Variants in CACNA1C observed in about 807,000 individuals in gnomAD.
The protein encoded by CACNA1C is voltage-dependent L-type calcium channel subunit alpha-1C.
Under a neutral mutation model 229.0 loss-of-function variants are expected in CACNA1C, and 30 were observed. That is an observed-to-expected ratio of 0.13 (90% CI 0.10 to 0.18). The LOEUF (loss-of-function observed/expected upper bound fraction) is 0.18. Among genes scored for constraint, CACNA1C ranks in the 10% least tolerant of loss-of-function variants. The pLI, the probability that CACNA1C is intolerant of heterozygous loss-of-function variation, is 1.00. For synonymous variants in CACNA1C, 1,114 were observed against 1,132.5 expected (o/e 0.98, Z 0.33); for missense variants, 1,658 against 2,845.0 (o/e 0.58, Z 9.49).
At chr12:2,424,355 AG>A (rs1478619107) in intron 3 of CACNA1C, among the ~76,000 whole-genome samples, 1 of 152,118 alleles carries the variant, frequency 6.6e-6, no homozygotes, top group African/African-American at 2.4e-5. Context: ...GGAAAAGTCA[AG>A]GGGGAGGGAG....
At chr12:2,637,468 A>C (rs1016772932) in intron 30 of CACNA1C, among the ~76,000 whole-genome samples, 4 of 152,234 alleles carry the variant, frequency 2.6e-5, no homozygotes, top group Non-Finnish European at 5.9e-5. Context: ...GAGATGGCCA[A>C]CAGGTACAAC....
At chr12:2,546,351 G>C (rs113260098) in intron 9 of CACNA1C, among the ~76,000 whole-genome samples, 9,055 of 120,628 alleles carry the variant, frequency 0.075, no homozygotes, top group African/African-American at 0.16. Flanking sequence ...ACACTATTCC[G>C]TGCAGTAGCT....
intron 9 of CACNA1C, among the ~76,000 whole-genome samples, chr12:2,531,960 G>A (rs1420473601): frequency 2.0e-5 from 3 of 152,132 alleles, no homozygotes; most frequent in Non-Finnish European, 2.9e-5. Flanking sequence ...TTCCATCTTT[G>A]TGCAAGCCTC....
intron 3 of CACNA1C, among the ~76,000 whole-genome samples, chr12:2,315,948 A>G (rs1266668285): frequency 6.6e-6 from 1 of 152,254 alleles, no homozygotes; most frequent in Non-Finnish European, 1.5e-5. Context: ...CAAGAGAACA[A>G]CAACAGAAAG....
chr12:2,493,247 A>G lies in CACNA1C; in HGVS notation c.974A>G (p.Gln325Arg), dbSNP rs1479610808. 6.2e-7 allele frequency: 1 copy of G among 1,613,934 alleles called. No homozygotes were observed. The highest frequency in any genetic ancestry group is 1.3e-5 in the African/African-American group (1 of 74,944). ...GCGCTGGAAACGGGCCACGGGCGGC[A>G]GTGCCAGAACGGCACGGTGTGCAAG... is the stretch of plus-strand genomic sequence containing the variant. ...PCALETGHGR[Q>R]CQNGTVCKPG... The change falls in exon 7 of 47, where the codon CAG becomes CGG. Residue 325 changes from glutamine to arginine, a missense_variant. This residue lies in a region of CACNA1C where 84 missense variants were observed against 202.6 expected (regional missense o/e 0.41). Coordinates refer to ENST00000399655, the MANE Select transcript of CACNA1C (RefSeq NM_000719.7). This position sits in a 1 kb window ranked among gnomAD's most constrained non-coding sequence, Gnocchi z 4.6.
At chr12:2,246,895 G>A (rs2073534665) in intron 3 of CACNA1C, among the ~76,000 whole-genome samples, 1 of 152,106 alleles carries the variant, frequency 6.6e-6, no homozygotes, top group Non-Finnish European at 1.5e-5. Context: ...GACGCTTCAT[G>A]CATAGCGGCT....
At chr12:2,179,616 C>T (rs1216465009) in intron 3 of CACNA1C, among the ~76,000 whole-genome samples, 3 of 152,124 alleles carry the variant, frequency 2.0e-5, no homozygotes, top group Admixed American at 2.0e-4. Context: ...AATATTGGCT[C>T]CAGACCTGAG....
chr12:2,294,534 C>A (rs1434643050), intron 3 of CACNA1C, among the ~76,000 whole-genome samples: 1 of 151,878 alleles, frequency 6.6e-6, no homozygotes, highest in Non-Finnish European at 1.5e-5. Flanking sequence ...GGAACCATCG[C>A]GGTAGGCCTG....
In CACNA1C at chr12:2,586,151, T is replaced by C. The variant is rs1107389; in HGVS notation, c.2530+247T>C. ...GCAGTGCTTTTGTGTCCTTTCCAAG[T>C]TGGATTCAGTGTACATTTAAATTTT... On this transcript the variant is annotated intron_variant, in intron 18 of 46. Transcript: ENST00000399655. Among the ~76,000 whole-genome samples the C allele has an allele frequency of 0.046, 7,048 of 152,334 alleles. 569 individuals carry two copies. Among genetic ancestry groups the C allele is most frequent in the African/African-American group, 0.16 (6,647 of 41,558 alleles).
intron 1 of CACNA1C, among the ~76,000 whole-genome samples, chr12:2,106,810 G>A (rs1289319772): frequency 6.5e-4 from 79 of 121,702 alleles, no homozygotes; most frequent in African/African-American, 1.6e-3. Context: ...CTCACCCCGG[G>A]GAGGGTTTCC....
intron 3 of CACNA1C, among the ~76,000 whole-genome samples, chr12:2,414,265 A>G (rs1299188559): frequency 6.6e-6 from 1 of 152,202 alleles, no homozygotes; most frequent in African/African-American, 2.4e-5. Flanking sequence ...TCCTCACTCC[A>G]CTAGAGCCCA....
chr12:2,001,970 G>C lies in CACNA1C; in HGVS notation c.139+30769G>C, dbSNP rs528946696. On this transcript the variant is annotated intron_variant, in intron 1 of 46. Coordinates refer to the CACNA1C transcript ENST00000682462. ...GACAGCTGGAAAATACCAGGGTTAT[G>C]GTCTTCAATTGACACATAGGTATTA... Among the ~76,000 whole-genome samples, 3 of 152,334 alleles carry C rather than the reference G, an allele frequency of 2.0e-5. No individual in the cohort carries two copies. In the East Asian group the frequency reaches 5.8e-4, roughly 29 times the overall value.
intron 3 of CACNA1C, among the ~76,000 whole-genome samples, chr12:2,315,701 G>T (rs926541000): frequency 3.3e-5 from 5 of 152,150 alleles, no homozygotes; most frequent in Non-Finnish European, 7.4e-5. Flanking sequence ...CCTATTAATT[G>T]TACGCACATT....
intron 5 of CACNA1C, among the ~76,000 whole-genome samples, chr12:2,477,357 T>C (rs2099635113): frequency 6.6e-6 from 1 of 152,208 alleles, no homozygotes; most frequent in Admixed American, 6.5e-5. Flanking sequence ...ATCTGATCAC[T>C]ATCCCTGGGA....
At position 2,181,154 on chromosome 12, in the gene CACNA1C, G is replaced by A. The variant is rs530319801; in HGVS notation, c.477+60724G>A. On this transcript the variant is annotated intron_variant, in intron 3 of 46. Transcript: ENST00000399655. This position sits in a 1 kb window ranked among gnomAD's most constrained non-coding sequence, Gnocchi z 4.0. ...TGTAGCATAGTGCCTGTGGACAGGAGAGCCCAGTCCGTGACGGCGGTAACA... is the reference window on the plus strand; with the variant it reads ...TGTAGCATAGTGCCTGTGGACAGGAAAGCCCAGTCCGTGACGGCGGTAACA... Among the ~76,000 whole-genome samples, 4 of 152,288 alleles carry A rather than the reference G, an allele frequency of 2.6e-5. No homozygotes were observed. Among genetic ancestry groups the A allele is most frequent in the South Asian group, 2.1e-4 (1 of 4,822 alleles).
At chr12:2,683,066 C>T (rs1312890103) in intron 43 of CACNA1C, among the ~76,000 whole-genome samples, 1 of 152,116 alleles carries the variant, frequency 6.6e-6, no homozygotes, top group Non-Finnish European at 1.5e-5. Context: ...ACAAGTGTTT[C>T]AAGACACTGC....
At chr12:2,328,629 A>G (rs2096426397) in intron 3 of CACNA1C, among the ~76,000 whole-genome samples, 3 of 152,206 alleles carry the variant, frequency 2.0e-5, no homozygotes, top group Admixed American at 6.5e-5. Context: ...ATAGGTGGGC[A>G]TGGGCTTGAT....
At chr12:2,261,350 A>G (rs2080143651) in intron 3 of CACNA1C, among the ~76,000 whole-genome samples, 1 of 152,228 alleles carries the variant, frequency 6.6e-6, no homozygotes, top group African/African-American at 2.4e-5. Flanking sequence ...ATTGCTTTAC[A>G]TTTGTATAGA....
At chr12:1,983,077 T>C (rs1024243749) in intron 1 of CACNA1C, among the ~76,000 whole-genome samples, 1 of 152,102 alleles carries the variant, frequency 6.6e-6, no homozygotes, top group African/African-American at 2.4e-5. Context: ...CCTTTTAATG[T>C]CTGTAGATAG....
Sources: allele counts gnomAD v4.1 joint callset (sites outside exome capture counted in the v4.1 genomes callset), GRCh38; gene constraint gnomAD v4.1.1; regional missense constraint gnomAD v4.1.1; non-coding constraint Gnocchi (gnomAD v3.1); transcripts MANE v1.5; gene names NCBI Gene and HGNC (gene_info 2026-07-23, HGNC 2026-07-21).